The following SCGB2B2 variants were observed in gnomAD, a reference collection of about 807,000 sequenced individuals.
The protein encoded by SCGB2B2 is secretoglobin-like protein.
A neutral mutation model predicts 7.6 loss-of-function variants in SCGB2B2; 11 were observed. The ratio of observed to expected loss-of-function variants is 1.45; its 90% CI spans 0.91 to 2.40. The LOEUF (loss-of-function observed/expected upper bound fraction) is 2.40. Ranked by LOEUF, SCGB2B2 falls within the 30% of genes most tolerant of loss-of-function variation. The probability of loss-of-function intolerance (pLI) is 0.00; values close to 1 mark genes in which losing one functional copy is unlikely to be tolerated. For synonymous variants in SCGB2B2, 50 were observed against 48.6 expected, an observed-to-expected ratio of 1.03 and a Z score of -0.12; for missense variants, 104 against 115.4, an observed-to-expected ratio of 0.90 and a Z score of 0.45.
chr19:34,639,012 C>T (rs1351121617), intron 1 of SCGB2B2, among the ~76,000 whole-genome samples: 1 of 152,194 alleles, frequency 6.6e-6, no homozygotes, highest in Admixed American at 6.5e-5. Flanking sequence ...TACATATGTA[C>T]AGCTCTCCTA....
intron 1 of SCGB2B2, among the ~76,000 whole-genome samples, chr19:34,615,912 C>T (rs1054369582): frequency 1.3e-4 from 20 of 149,226 alleles, no homozygotes; most frequent in African/African-American, 4.5e-4. Flanking sequence ...TTGTTCAATT[C>T]CCACCTATGA....
intron 1 of SCGB2B2, among the ~76,000 whole-genome samples, chr19:34,624,692 C>T (rs2066321923): frequency 6.6e-6 from 1 of 152,212 alleles, no homozygotes; most frequent in Non-Finnish European, 1.5e-5. Context: ...AAGGTGCAGC[C>T]TCCGCCAGAT....
intron 1 of SCGB2B2, among the ~76,000 whole-genome samples, chr19:34,655,473 G>GC (rs901074322): frequency 7.3e-5 from 11 of 150,840 alleles, no homozygotes; most frequent in South Asian, 2.1e-4. Flanking sequence ...AGACCTGGAT[G>GC]CCCCCCCAAC....
At chr19:34,606,058 AT>A (rs777625342) in intron 1 of SCGB2B2, among the ~76,000 whole-genome samples, 5 of 151,002 alleles carry the variant, frequency 3.3e-5, no homozygotes. Flanking sequence ...TTTTTTTTTT[AT>A]TTTACGTAGT....
chr19:34,667,114 T>G (rs115776617), intron 1 of SCGB2B2, among the ~76,000 whole-genome samples: 3,421 of 151,934 alleles, frequency 0.023, 108 homozygotes, highest in African/African-American at 0.079. Context: ...TCCTTTGAGA[T>G]CAGGGACTCT....
At chr19:34,641,406 G>A (rs1263216046) in intron 1 of SCGB2B2, among the ~76,000 whole-genome samples, 1 of 152,166 alleles carries the variant, frequency 6.6e-6, no homozygotes, top group African/African-American at 2.4e-5. Flanking sequence ...CTAATACAAT[G>A]GTGACAGACA....
In SCGB2B2 at chr19:34,592,187, G is replaced by T. The variant is rs1320389122; in HGVS notation, c.*1368C>A. On this transcript the variant is annotated 3_prime_UTR_variant, in exon 4 of 4. Coordinates refer to ENST00000601241, the MANE Select transcript of SCGB2B2 (RefSeq NM_001025591.4). ...GGAGAATGGGTGGAAGGGAGAAAGG[G>T]CATTTTGGGCAGTGGGAGTGAGGGA... Among the ~76,000 whole-genome samples, 1 of 152,132 alleles carries T rather than the reference G, an allele frequency of 6.6e-6. No individual in the cohort carries two copies. The highest frequency in any genetic ancestry group is 1.5e-5 in the Non-Finnish European group (1 of 68,006).
rs1039986534 is a variant in SCGB2B2, at chr19:34,592,590, G to C, written c.*965C>G. On this transcript the variant is annotated 3_prime_UTR_variant, in exon 4 of 4. Coordinates refer to ENST00000601241, the MANE Select transcript of SCGB2B2 (RefSeq NM_001025591.4). ...CCTGCGGAAAGGGCTTGAGGTTTGGGGAGGGACCTCCCCCAGAAGGAGTTG... is the reference window on the plus strand; with the variant it reads ...CCTGCGGAAAGGGCTTGAGGTTTGGCGAGGGACCTCCCCCAGAAGGAGTTG... Among the ~76,000 whole-genome samples, 6 of 152,128 alleles carry C rather than the reference G, an allele frequency of 3.9e-5. No homozygotes were observed. Among genetic ancestry groups the C allele is most frequent in the Non-Finnish European group, 5.9e-5 (4 of 68,014 alleles).
chr19:34,593,674 T>A (rs1036683448), intron 3 of SCGB2B2, 75 bp from the exon 4 acceptor site: 1 of 1,245,206 alleles, frequency 8.0e-7, no homozygotes, highest in African/African-American at 1.5e-5. Context: ...TATTGCCCGG[T>A]CCCCGAGCTC....
chr19:34,664,341 G>A (rs72488806), intron 1 of SCGB2B2, among the ~76,000 whole-genome samples: 14,469 of 152,250 alleles, frequency 0.095, 874 homozygotes, highest in East Asian at 0.22. Flanking sequence ...AATCCCAACA[G>A]CACCACTGGG....
chr19:34,606,693 C>T (rs1390177909), intron 1 of SCGB2B2, among the ~76,000 whole-genome samples: 1 of 151,674 alleles, frequency 6.6e-6, no homozygotes, highest in Admixed American at 6.6e-5. Flanking sequence ...CAGACAATGA[C>T]CAGATTTATA....
In SCGB2B2 at chr19:34,592,042, T is replaced by C. The variant is rs550672362; in HGVS notation, c.*1513A>G. On this transcript the variant is annotated 3_prime_UTR_variant, in exon 4 of 4. Transcript: ENST00000601241. ...CTTCCCTGGCTGAGTGGATGGGTGA[T>C]GACTGGGATGGAAAGTGCATTAAAT... Among the ~76,000 whole-genome samples the C allele has an allele frequency of 6.6e-6, 1 of 152,204 alleles. No individual in the cohort carries two copies. The highest frequency in any genetic ancestry group is 6.5e-5 in the Admixed American group (1 of 15,294).
intron 1 of SCGB2B2, among the ~76,000 whole-genome samples, chr19:34,672,897 C>T (rs1600074653): frequency 6.6e-6 from 1 of 151,920 alleles, no homozygotes; most frequent in Admixed American, 6.6e-5. Flanking sequence ...AGCCTCATAA[C>T]TTAACATTTC....
intron 1 of SCGB2B2, among the ~76,000 whole-genome samples, chr19:34,625,531 C>G (rs1306592534): frequency 6.6e-6 from 1 of 152,212 alleles, no homozygotes; most frequent in Non-Finnish European, 1.5e-5. Flanking sequence ...GCTAGCACAG[C>G]AGTCTGAGAT....
At chr19:34,626,089 A>C (rs1015603043) in intron 1 of SCGB2B2, among the ~76,000 whole-genome samples, 2 of 152,222 alleles carry the variant, frequency 1.3e-5, no homozygotes, top group Admixed American at 6.5e-5. Flanking sequence ...AAAGACATCC[A>C]CACCAAAACC....
At chr19:34,606,665 A>C (rs1354100188) in intron 1 of SCGB2B2, among the ~76,000 whole-genome samples, 2 of 152,092 alleles carry the variant, frequency 1.3e-5, no homozygotes, top group Non-Finnish European at 2.9e-5. Flanking sequence ...GAGGCAGTAC[A>C]ATAAGAATTT....
chr19:34,614,497 T>A (rs191473538), intron 1 of SCGB2B2, among the ~76,000 whole-genome samples: 4 of 152,336 alleles, frequency 2.6e-5, no homozygotes, highest in Admixed American at 2.0e-4. Flanking sequence ...AATTTCTGAT[T>A]CATATCATAA....
At chr19:34,611,165 A>G (rs1471519302) in intron 1 of SCGB2B2, among the ~76,000 whole-genome samples, 1 of 151,944 alleles carries the variant, frequency 6.6e-6, no homozygotes, top group Non-Finnish European at 1.5e-5. Context: ...ATCAGTTGTG[A>G]TGTCTACTAT....
At chr19:34,625,787 A>G (rs907706878) in intron 1 of SCGB2B2, among the ~76,000 whole-genome samples, 4 of 152,194 alleles carry the variant, frequency 2.6e-5, no homozygotes, top group Non-Finnish European at 5.9e-5. Context: ...CTCCCAGCAC[A>G]CAGCTTGAGA....
Sources: allele counts gnomAD v4.1 joint callset (sites outside exome capture counted in the v4.1 genomes callset), GRCh38; gene constraint gnomAD v4.1.1; transcripts MANE v1.5; gene names NCBI Gene and HGNC (gene_info 2026-07-23, HGNC 2026-07-21).